DMD: variants seen among roughly 807,000 people sequenced by gnomAD.
DMD encodes mutant dystrophin.
In DMD, 63 loss-of-function variants were observed where a neutral mutation model predicts 330.1. The ratio of observed to expected loss-of-function variants is 0.19; its 90% CI spans 0.16 to 0.24. DMD has a LOEUF of 0.24. DMD is among the 10% of genes least tolerant of loss of function. The probability of loss-of-function intolerance (pLI) is 1.00; values close to 1 mark genes in which losing one functional copy is unlikely to be tolerated. For missense variants in DMD, 3,344 were observed against 2,684.1 expected (o/e 1.25, Z -5.43); for synonymous variants, 1,223 against 959.8 (o/e 1.27, Z -5.07).
At chrX:32,343,785 G>A (rs1189590685) in intron 39 of DMD, among the ~76,000 whole-genome samples, 1 of 111,474 alleles carries the variant, frequency 9.0e-6, no homozygotes, top group African/African-American at 3.3e-5. Context: ...GAGTTTCATA[G>A]GCCATTAATA....
intron 30 of DMD, among the ~76,000 whole-genome samples, chrX:32,408,865 CATCTATCTATCT>C (rs10559613): frequency 1.2e-3 from 113 of 96,935 alleles, no homozygotes; most frequent in Middle Eastern, 0.01. Context: ...TTCTTTCTTT[CATCTATCTATCT>C]ATCTATCTAT....
At chrX:31,936,143 T>C (rs887710181) in intron 45 of DMD, among the ~76,000 whole-genome samples, 1 of 111,617 alleles carries the variant, frequency 9.0e-6, no homozygotes, top group Non-Finnish European at 1.9e-5. Flanking sequence ...TATTTCACCA[T>C]TATTGTGTTA....
chrX:33,241,926 T>C (rs1057184400), intron 1 of DMD, among the ~76,000 whole-genome samples: 1 of 110,246 alleles, frequency 9.1e-6, no homozygotes, highest in African/African-American at 3.3e-5. Context: ...CACATTAGGC[T>C]AATTTTTGTA....
At chrX:32,099,432 C>A (rs1037816995) in intron 44 of DMD, among the ~76,000 whole-genome samples, 17 of 110,520 alleles carry the variant, frequency 1.5e-4, no homozygotes, top group Non-Finnish European at 2.8e-4. Context: ...GCTATAAAGA[C>A]ACGTGCACAC....
At chrX:33,115,584 T>C (rs1452466448) in intron 1 of DMD, among the ~76,000 whole-genome samples, 1 of 107,717 alleles carries the variant, frequency 9.3e-6, no homozygotes, top group Non-Finnish European at 1.9e-5. Flanking sequence ...TGGTCTCGGC[T>C]CACTGCAAGC....
chrX:31,335,420 A>T (rs1601942420), intron 61 of DMD, among the ~76,000 whole-genome samples: 1 of 112,419 alleles, frequency 8.9e-6, no homozygotes, highest in East Asian at 2.8e-4. Context: ...ATGCAAAATT[A>T]TTTTTAATAA....
chrX:33,305,822 CTT>C (rs1455952835), intron 1 of DMD, among the ~76,000 whole-genome samples: 1 of 111,674 alleles, frequency 9.0e-6, no homozygotes, highest in African/African-American at 3.3e-5. Context: ...TTAGCAATAA[CTT>C]AAGAACACAT....
chrX:32,030,693 G>A (rs935984468), intron 44 of DMD, among the ~76,000 whole-genome samples: 6 of 111,682 alleles, frequency 5.4e-5, no homozygotes, highest in African/African-American at 1.9e-4. Context: ...TTTATAAATT[G>A]AGGATCATAA....
intron 2 of DMD, among the ~76,000 whole-genome samples, chrX:32,925,656 A>G (rs1332349886): frequency 1.8e-5 from 2 of 112,159 alleles, no homozygotes; most frequent in Non-Finnish European, 3.8e-5. Flanking sequence ...AATAGTATGT[A>G]AAAGTGTAGT....
At chrX:31,310,518 C>T (rs188585796) in intron 62 of DMD, among the ~76,000 whole-genome samples, 6 of 106,234 alleles carry the variant, frequency 5.6e-5, no homozygotes, top group Admixed American at 3.2e-4. Context: ...CTACATTTTT[C>T]GGATAGAGAT....
At position 31,968,628 on chromosome X, in the gene DMD, A is replaced by G. The variant is rs188871119; in HGVS notation, c.6439-114T>C. ...TGTACTGGCAAAGAAAGAAATACAA[A>G]AGCTCCATGTGAAAATTTCCCTATG... On this transcript the variant is annotated intron_variant, in intron 44 of 78. Coordinates refer to ENST00000357033, the MANE Select transcript of DMD (RefSeq NM_004006.3). The G allele has an allele frequency of 1.3e-5, 11 of 818,289 alleles. No individual in the cohort carries two copies. The East Asian group carries it at 2.8e-4, about 20-fold the overall frequency. The allele number at this position is 818,289 out of a possible 1,213,427, so 67.4% of individuals were successfully genotyped here.
intron 56 of DMD, among the ~76,000 whole-genome samples, chrX:31,505,965 C>A (rs1444926059): frequency 9.0e-6 from 1 of 111,445 alleles, no homozygotes; most frequent in East Asian, 2.8e-4. Flanking sequence ...TTGTATCTTC[C>A]ACTTGCTAAG....
rs138484328 is a variant in DMD, at chrX:32,437,715, T to C, written c.4071+526A>G. On this transcript the variant is annotated intron_variant, in intron 29 of 78. Coordinates refer to ENST00000357033, the MANE Select transcript of DMD (RefSeq NM_004006.3). ...TGACAAATAATCCATTCTTAGGAGATAGTATGCAAAACACTGACTAGGAGA... is the reference window on the plus strand; with the variant it reads ...TGACAAATAATCCATTCTTAGGAGACAGTATGCAAAACACTGACTAGGAGA... 4.4e-3 allele frequency among the ~76,000 whole-genome samples: 494 copies of C among 112,514 alleles called. 10 individuals carry two copies. In the East Asian group the frequency reaches 0.049, roughly 11 times the overall value.
chrX:32,552,230 C>T (rs918529393), intron 16 of DMD, among the ~76,000 whole-genome samples: 2 of 111,605 alleles, frequency 1.8e-5, no homozygotes, highest in Non-Finnish European at 3.8e-5. Flanking sequence ...AACTATACTA[C>T]AAGGATATAG....
At chrX:32,568,619 G>T (rs2052036949) in intron 15 of DMD, among the ~76,000 whole-genome samples, 1 of 111,296 alleles carries the variant, frequency 9.0e-6, no homozygotes, top group Admixed American at 9.6e-5. Flanking sequence ...ATGTCTGTAT[G>T]ACAAAAACAC....
intron 44 of DMD, among the ~76,000 whole-genome samples, chrX:32,094,344 G>C (rs1011993646): frequency 2.7e-5 from 3 of 111,922 alleles, no homozygotes; most frequent in Non-Finnish European, 3.8e-5. Context: ...AAACTCCAGT[G>C]TTCACTTAGA....
chrX:31,367,801 A>C (rs2059339504), intron 60 of DMD, among the ~76,000 whole-genome samples: 1 of 111,735 alleles, frequency 8.9e-6, no homozygotes, highest in Admixed American at 9.5e-5. Flanking sequence ...CTCCCACGAC[A>C]CTTACTGCAC....
At chrX:32,794,342 C>A (rs1346873459) in intron 7 of DMD, among the ~76,000 whole-genome samples, 2 of 112,093 alleles carry the variant, frequency 1.8e-5, no homozygotes, top group Non-Finnish European at 3.8e-5. Context: ...GTAATCCCAG[C>A]ACTTTGGGAG....
intron 1 of DMD, among the ~76,000 whole-genome samples, chrX:33,049,068 T>C (rs931235692): frequency 1.4e-4 from 16 of 111,830 alleles, no homozygotes; most frequent in African/African-American, 5.2e-4. Context: ...AAGGCATAAC[T>C]TGTGTTCCAT....
Sources: gnomAD v4.1 joint callset for allele counts (sites outside exome capture counted in the v4.1 genomes callset) on GRCh38, gnomAD v4.1.1 for gene constraint, MANE v1.5 for transcripts, NCBI Gene and HGNC (gene_info 2026-07-23, HGNC 2026-07-21) for gene names.